PCDH11X: variants seen among roughly 807,000 people sequenced by gnomAD.
PCDH11X encodes protocadherin-11 X-linked.
A neutral mutation model predicts 53.3 loss-of-function variants in PCDH11X; 18 were observed. That is an observed-to-expected ratio of 0.34 (90% CI 0.23 to 0.50). PCDH11X has a LOEUF of 0.50. PCDH11X is among the 20% of genes least tolerant of loss of function. The pLI is 0.98. For synonymous variants in PCDH11X, 279 were observed against 393.3 expected (o/e 0.71, Z 3.44); for missense variants, 570 against 1,032.4 (o/e 0.55, Z 6.14).
chrX:91,804,316 A>G (rs912111141), intron 1 of PCDH11X, among the ~76,000 whole-genome samples: 6 of 109,264 alleles, frequency 5.5e-5, no homozygotes, highest in Admixed American at 9.9e-5. Context: ...TTATATTTCA[A>G]GTGGTTCTGG....
chrX:91,785,820 C>T (rs1198603108), intron 1 of PCDH11X, among the ~76,000 whole-genome samples: 1 of 99,878 alleles, frequency 1.0e-5, no homozygotes, highest in Non-Finnish European at 2.1e-5. Flanking sequence ...ACGAAGGCAT[C>T]ATCTCTAAAA....
intron 9 of PCDH11X, among the ~76,000 whole-genome samples, chrX:92,404,345 T>C (rs913801213): frequency 9.2e-6 from 1 of 108,110 alleles, no homozygotes; most frequent in Non-Finnish European, 1.9e-5. Context: ...TTGGCAGCTT[T>C]AGTGTGGTAA....
chrX:92,442,330 T>C (rs1171722948), intron 9 of PCDH11X, among the ~76,000 whole-genome samples: 2 of 110,099 alleles, frequency 1.8e-5, no homozygotes, highest in Non-Finnish European at 1.9e-5. Flanking sequence ...AATGATATGG[T>C]TTGGCTGTGT....
intron 8 of PCDH11X, among the ~76,000 whole-genome samples, chrX:92,317,460 C>T (rs2148488889): frequency 9.0e-6 from 1 of 111,035 alleles, no homozygotes; most frequent in Admixed American, 9.7e-5. Context: ...TTTTGTAATG[C>T]TGCTTCTCAA....
At chrX:91,992,007 G>A (rs1244820337) in intron 6 of PCDH11X, among the ~76,000 whole-genome samples, 1 of 107,709 alleles carries the variant, frequency 9.3e-6, no homozygotes, top group African/African-American at 3.4e-5. Flanking sequence ...TTGCTTTTTT[G>A]CGTATTGTAT....
intron 5 of PCDH11X, among the ~76,000 whole-genome samples, chrX:91,853,317 C>A (rs1276822607): frequency 9.1e-6 from 1 of 110,074 alleles, no homozygotes; most frequent in African/African-American, 3.3e-5. Context: ...ATACAGAAAA[C>A]ATATTTATTA....
intron 6 of PCDH11X, among the ~76,000 whole-genome samples, chrX:92,085,462 T>C (rs2063934054): frequency 1.0e-5 from 1 of 100,086 alleles, no homozygotes; most frequent in Admixed American, 1.1e-4. Context: ...TCTCTAAAAG[T>C]CTTTTCTTAA....
intron 6 of PCDH11X, among the ~76,000 whole-genome samples, chrX:92,033,626 A>G (rs1419852861): frequency 9.3e-6 from 1 of 107,534 alleles, no homozygotes; most frequent in Non-Finnish European, 1.9e-5. Context: ...CTGATTTTGT[A>G]TATTTGTGTC....
Position 92,367,200 on chromosome X carries a change from G to T in PCDH11X, c.3145-20535G>T, listed in dbSNP as rs750311344. Among the ~76,000 whole-genome samples the T allele has an allele frequency of 7.2e-5, 8 of 111,285 alleles. No individual in the cohort carries two copies. The South Asian group carries it at 3.0e-3, about 42-fold the overall frequency. ...CCTGTATTGGGTGCATTTATATTTA[G>T]GATAGTTAACTCTTCTTGTTGCATT... On this transcript the variant is annotated intron_variant, in intron 8 of 10. Coordinates refer to ENST00000682573, the MANE Select transcript of PCDH11X (RefSeq NM_032968.5).
At chrX:92,428,917 G>A (rs1402726398) in intron 9 of PCDH11X, among the ~76,000 whole-genome samples, 1 of 111,145 alleles carries the variant, frequency 9.0e-6, no homozygotes, top group African/African-American at 3.3e-5. Flanking sequence ...ACTTCATAGA[G>A]ACCAGATACC....
chrX:92,464,600 G>A (rs970471290), intron 9 of PCDH11X, among the ~76,000 whole-genome samples: 2 of 110,684 alleles, frequency 1.8e-5, no homozygotes, highest in Admixed American at 9.7e-5. Context: ...ATAGCAGCAT[G>A]AGAACAAACT....
intron 8 of PCDH11X, among the ~76,000 whole-genome samples, chrX:92,328,730 T>G (rs2069393761): frequency 9.0e-6 from 1 of 110,573 alleles, no homozygotes; most frequent in African/African-American, 3.3e-5. Flanking sequence ...CAAAGTCCAA[T>G]CAGGAAGAAA....
chrX:92,272,667 G>A (rs1405639901), intron 8 of PCDH11X, among the ~76,000 whole-genome samples: 1 of 112,224 alleles, frequency 8.9e-6, no homozygotes, highest in East Asian at 2.8e-4. Context: ...TGTAGCTTTT[G>A]TCTAACAAAC....
intron 8 of PCDH11X, among the ~76,000 whole-genome samples, chrX:92,288,775 C>T (rs1332327578): frequency 1.8e-5 from 2 of 108,966 alleles, no homozygotes; most frequent in South Asian, 4.0e-4. Flanking sequence ...TTTTCAAAAA[C>T]ATGTACCAGG....
At chrX:92,232,834 G>A (rs1412905792) in intron 7 of PCDH11X, among the ~76,000 whole-genome samples, 2 of 111,527 alleles carry the variant, frequency 1.8e-5, no homozygotes, top group Middle Eastern at 4.7e-3. Context: ...TCCCGCCTCA[G>A]CATCGCGAGT....
intron 4 of PCDH11X, among the ~76,000 whole-genome samples, chrX:91,832,845 AT>A (rs3069059): frequency 2.5e-4 from 27 of 108,669 alleles, no homozygotes; most frequent in Admixed American, 5.0e-4. Context: ...GTTTTATCTT[AT>A]TTTTTTTTAA....
chrX:92,590,212 C>T (rs2750622), intron 10 of PCDH11X, among the ~76,000 whole-genome samples: 7 of 110,188 alleles, frequency 6.4e-5, no homozygotes, highest in African/African-American at 1.3e-4. Context: ...ACCTAACTGA[C>T]GAGCTTTGGA....
At chrX:92,384,294 A>C (rs1471314316) in intron 8 of PCDH11X, among the ~76,000 whole-genome samples, 6 of 109,430 alleles carry the variant, frequency 5.5e-5, no homozygotes, top group Non-Finnish European at 1.1e-4. Flanking sequence ...CTCTGATGAT[A>C]GTTTCTTTAA....
intron 7 of PCDH11X, among the ~76,000 whole-genome samples, chrX:92,254,387 T>C (rs941303186): frequency 3.6e-5 from 4 of 111,149 alleles, no homozygotes; most frequent in African/African-American, 1.3e-4. Flanking sequence ...GTCTTGACTC[T>C]TTATCCAATT....
Sources: allele counts gnomAD v4.1 joint callset (sites outside exome capture counted in the v4.1 genomes callset), GRCh38; gene constraint gnomAD v4.1.1; transcripts MANE v1.5; gene names NCBI Gene and HGNC (gene_info 2026-07-23, HGNC 2026-07-21).